The following DACH1 variants were observed in gnomAD, a reference collection of about 807,000 sequenced individuals.
DACH1 encodes the protein dachshund family transcription factor 1, also known as dachshund homolog 1.
A neutral mutation model predicts 54.2 loss-of-function variants in DACH1; 12 were observed. The ratio of observed to expected loss-of-function variants is 0.22; its 90% CI spans 0.14 to 0.36. The LOEUF is 0.36. Ranked by LOEUF, DACH1 falls within the 10% of genes least tolerant of loss-of-function variation. The pLI, the probability that DACH1 is intolerant of heterozygous loss-of-function variation, is 1.00. For synonymous variants in DACH1, 386 were observed against 366.2 expected (o/e 1.05, Z -0.62); for missense variants, 805 against 929.8 (o/e 0.87, Z 1.75).
chr13:71,628,050 T>C (rs544657693), intron 3 of DACH1, among the ~76,000 whole-genome samples: 7 of 152,088 alleles, frequency 4.6e-5, no homozygotes, highest in Non-Finnish European at 1.0e-4. Flanking sequence ...CATGATATGA[T>C]ACTATTATTT....
At chr13:71,681,190 G>A (rs1368273603) in intron 2 of DACH1, among the ~76,000 whole-genome samples, 2 of 152,028 alleles carry the variant, frequency 1.3e-5, no homozygotes, top group African/African-American at 2.4e-5. Flanking sequence ...GAAATCAAAC[G>A]AATTAATTTT....
intron 3 of DACH1, among the ~76,000 whole-genome samples, chr13:71,593,103 T>C (rs572735904): frequency 6.6e-6 from 1 of 152,280 alleles, no homozygotes; most frequent in Non-Finnish European, 1.5e-5. Context: ...CTAGATTGAC[T>C]AAAGCCAGGA....
intron 2 of DACH1, among the ~76,000 whole-genome samples, chr13:71,639,725 G>A (rs1196252901): frequency 6.6e-6 from 1 of 151,968 alleles, no homozygotes; most frequent in Non-Finnish European, 1.5e-5. Flanking sequence ...CAATCACTGA[G>A]GAACTTCTAT....
intron 1 of DACH1, among the ~76,000 whole-genome samples, chr13:71,734,969 T>C (rs111205651): frequency 0.14 from 12,642 of 89,924 alleles, 1,293 homozygotes; most frequent in East Asian, 0.32. Context: ...TATATATATA[T>C]ACACACACAG....
intron 10 of DACH1, among the ~76,000 whole-genome samples, chr13:71,471,667 G>A (rs1052838080): frequency 1.3e-5 from 2 of 151,520 alleles, no homozygotes; most frequent in East Asian, 2.0e-4. Context: ...CAGGAGAATC[G>A]CTTGAACCCA....
intron 1 of DACH1, among the ~76,000 whole-genome samples, chr13:71,715,461 G>A (rs1349305861): frequency 6.6e-6 from 1 of 152,002 alleles, no homozygotes; most frequent in African/African-American, 2.4e-5. Context: ...CTCTGTTCAG[G>A]GTACATTCTT....
intron 1 of DACH1, chr13:71,704,617 G>T: frequency 2.3e-6 from 1 of 430,862 alleles, no homozygotes; most frequent in South Asian, 2.1e-5. Flanking sequence ...CAGGGAGCCT[G>T]AGCTGCTGGA....
At chr13:71,661,555 T>C (rs959418911) in intron 2 of DACH1, among the ~76,000 whole-genome samples, 1 of 152,056 alleles carries the variant, frequency 6.6e-6, no homozygotes, top group African/African-American at 2.4e-5. Flanking sequence ...TCAAAAATTA[T>C]ATTGTTTCCA....
chr13:71,498,154 C>A (rs945402445), intron 6 of DACH1, among the ~76,000 whole-genome samples: 1 of 152,160 alleles, frequency 6.6e-6, no homozygotes, highest in Non-Finnish European at 1.5e-5. Flanking sequence ...CATATGTATT[C>A]CACGCTTATT....
At chr13:71,497,858 TGACACA>T (rs1439821559) in intron 6 of DACH1, among the ~76,000 whole-genome samples, 112 of 66,758 alleles carry the variant, frequency 1.7e-3, no homozygotes, top group African/African-American at 5.6e-3. Context: ...AAATATGTGT[TGACACA>T]CACACACACA....
chr13:71,479,365 TTTCGTTCATTACTTA>T, intron 7 of DACH1, 49 bp from the exon 8 acceptor site: 1 of 1,564,128 alleles, frequency 6.4e-7, no homozygotes, highest in South Asian at 1.2e-5. Context: ...ACAAAGCAAA[TTTCGTTCATTACTTA>T]AAAGCATTTT....
intron 2 of DACH1, among the ~76,000 whole-genome samples, chr13:71,638,492 T>C (rs1256425769): frequency 6.6e-6 from 1 of 152,220 alleles, no homozygotes; most frequent in Non-Finnish European, 1.5e-5. Context: ...GCCATATTCA[T>C]ATACATGATA....
At chr13:71,749,502 T>G (rs1239949292) in intron 1 of DACH1, among the ~76,000 whole-genome samples, 1 of 152,132 alleles carries the variant, frequency 6.6e-6, no homozygotes, top group East Asian at 1.9e-4. Context: ...TGATGGATAA[T>G]GCCGCAAATC....
rs1873692200 is a variant in DACH1, at chr13:71,438,282, GAAC to G, written c.*2370_*2372del. 2 of 152,190 alleles carry G rather than the reference GAAC, an allele frequency of 1.3e-5. No individual in the cohort carries two copies. The highest frequency in any genetic ancestry group is 4.8e-5 in the African/African-American group (2 of 41,354). The allele number at this position is 152,190 out of a possible 1,614,324, so 9.4% of individuals were successfully genotyped here. On this transcript the variant is annotated 3_prime_UTR_variant, in exon 11 of 11. Transcript: ENST00000613252. Reference sequence around the variant, plus strand: ...AGAGCGCAAATGTGGTTATAATATAGAACAACTAGACATTAATATTTTTAGGAT... The same window carrying G: ...AGAGCGCAAATGTGGTTATAATATAGAACTAGACATTAATATTTTTAGGAT...
At chr13:71,576,185 G>C (rs926837592) in intron 3 of DACH1, among the ~76,000 whole-genome samples, 1 of 151,746 alleles carries the variant, frequency 6.6e-6, no homozygotes, top group African/African-American at 2.4e-5. Flanking sequence ...ATTTGGCAGG[G>C]GAAGACAGAA....
rs957948770 is a variant in DACH1 at position 71,769,802 on chromosome 13, T to C, written c.849-87892A>G. On this transcript the variant is annotated intron_variant, in intron 1 of 10. Transcript: ENST00000613252. Reference sequence around the variant, plus strand: ...TCCAGAAGACCAAATATATCAGTTATTGGTTGAAATTAGTAATATGTGACA... The same window carrying C: ...TCCAGAAGACCAAATATATCAGTTACTGGTTGAAATTAGTAATATGTGACA... Among the ~76,000 whole-genome samples, 6 of 151,770 alleles carry C rather than the reference T, an allele frequency of 4.0e-5. No individual in the cohort carries two copies. The East Asian group carries it at 9.6e-4, about 24-fold the overall frequency.
intron 6 of DACH1, among the ~76,000 whole-genome samples, chr13:71,512,794 A>C (rs1880878536): frequency 6.6e-6 from 1 of 151,950 alleles, no homozygotes; most frequent in Non-Finnish European, 1.5e-5. Context: ...TGATTCTTAA[A>C]GGCCTTTTGT....
intron 1 of DACH1, among the ~76,000 whole-genome samples, chr13:71,860,111 C>T (rs1874253739): frequency 6.6e-6 from 1 of 151,214 alleles, no homozygotes; most frequent in South Asian, 2.1e-4. Flanking sequence ...TAATGCAGTC[C>T]CAAAGCCTGA....
intron 1 of DACH1, among the ~76,000 whole-genome samples, chr13:71,736,370 A>T (rs1594157320): frequency 6.6e-6 from 1 of 152,200 alleles, no homozygotes. Context: ...AAGCATAATG[A>T]CAAAGGCCTT....
Sources: allele counts gnomAD v4.1 joint callset (sites outside exome capture counted in the v4.1 genomes callset), GRCh38; gene constraint gnomAD v4.1.1; transcripts MANE v1.5; gene names NCBI Gene and HGNC (gene_info 2026-07-23, HGNC 2026-07-21).